The following HDAC9 variants were observed in gnomAD, a reference collection of about 807,000 sequenced individuals.
HDAC9 encodes MEF-2 interacting transcription repressor (MITR) protein.
In HDAC9, 41 loss-of-function variants were observed where a neutral mutation model predicts 139.4. The ratio of observed to expected loss-of-function variants is 0.29; its 90% CI spans 0.23 to 0.38. HDAC9 has a LOEUF of 0.38. HDAC9 is among the 10% of genes least tolerant of loss of function. The pLI is 1.00. For missense variants in HDAC9, 1,147 were observed against 1,297.0 expected (o/e 0.88, Z 1.78); for synonymous variants, 517 against 476.2 (o/e 1.09, Z -1.12).
chr7:18,564,423 A>G (rs930962490), intron 2 of HDAC9, among the ~76,000 whole-genome samples: 13 of 152,074 alleles, frequency 8.5e-5, no homozygotes, highest in Non-Finnish European at 8.8e-5. Context: ...GCTTCCAAGT[A>G]TTTTTTAAAA....
At chr7:18,799,722 A>C (rs574139201) in intron 17 of HDAC9, among the ~76,000 whole-genome samples, 63 of 152,312 alleles carry the variant, frequency 4.1e-4, no homozygotes, top group African/African-American at 1.3e-3. Flanking sequence ...TCTAGTCTGA[A>C]GACCAGGAAG....
chr7:18,706,409 T>C (rs1783923963), intron 12 of HDAC9, among the ~76,000 whole-genome samples: 1 of 152,152 alleles, frequency 6.6e-6, no homozygotes, highest in African/African-American at 2.4e-5. Context: ...GACAATAAAA[T>C]TGAATGCTTT....
At chr7:18,345,422 T>A (rs1210111570) in intron 1 of HDAC9, among the ~76,000 whole-genome samples, 1 of 151,958 alleles carries the variant, frequency 6.6e-6, no homozygotes, top group Non-Finnish European at 1.5e-5. Flanking sequence ...AATATCTGAT[T>A]AAGAGGTTAT....
intron 22 of HDAC9, among the ~76,000 whole-genome samples, chr7:18,933,024 C>T (rs986490168): frequency 1.3e-5 from 2 of 152,152 alleles, no homozygotes; most frequent in East Asian, 3.9e-4. Flanking sequence ...AAGGTAGTGT[C>T]CCAGATATCC....
intron 1 of HDAC9, among the ~76,000 whole-genome samples, chr7:18,354,839 A>G (rs1783129063): frequency 6.6e-6 from 1 of 152,176 alleles, no homozygotes; most frequent in Admixed American, 6.5e-5. Flanking sequence ...AGCTTTAGAC[A>G]GTCAACACAT....
At chr7:18,572,340 A>G (rs980970596) in intron 2 of HDAC9, among the ~76,000 whole-genome samples, 2 of 150,696 alleles carry the variant, frequency 1.3e-5, no homozygotes, top group Admixed American at 1.3e-4. Flanking sequence ...AAATATGACT[A>G]TTTGTCATAT....
chr7:18,424,289 T>A (rs1326215849), intron 1 of HDAC9, among the ~76,000 whole-genome samples: 2 of 152,226 alleles, frequency 1.3e-5, no homozygotes, highest in African/African-American at 2.4e-5. Context: ...CAAATACCAA[T>A]CCTGCATCTT....
chr7:18,533,674 G>T (rs1809836177), intron 2 of HDAC9, among the ~76,000 whole-genome samples: 1 of 151,624 alleles, frequency 6.6e-6, no homozygotes. Context: ...TTATTCTATG[G>T]CCTCTTTCAC....
At chr7:18,225,981 AATCT>A (rs1793026563) in intron 2 of HDAC9, among the ~76,000 whole-genome samples, 1 of 152,212 alleles carries the variant, frequency 6.6e-6, no homozygotes, top group Non-Finnish European at 1.5e-5. Context: ...AAAATATAAT[AATCT>A]ATCTCTCCTA....
intron 2 of HDAC9, among the ~76,000 whole-genome samples, chr7:18,211,940 C>T (rs536937171): frequency 7.5e-4 from 114 of 152,116 alleles, no homozygotes; most frequent in Middle Eastern, 3.4e-3. Context: ...GTGGAGTGAA[C>T]GAAGGGGAAA....
chr7:18,976,441 C>T (rs773691209), intron 25 of HDAC9, among the ~76,000 whole-genome samples: 1 of 152,124 alleles, frequency 6.6e-6, no homozygotes. Context: ...TCCTTGAGGT[C>T]CAACAACTGG....
At chr7:18,407,814 T>C (rs905508745) in intron 1 of HDAC9, among the ~76,000 whole-genome samples, 1 of 152,222 alleles carries the variant, frequency 6.6e-6, no homozygotes, top group Non-Finnish European at 1.5e-5. Context: ...AGGAAATCTA[T>C]TGTGTTTCCT....
intron 2 of HDAC9, among the ~76,000 whole-genome samples, chr7:18,208,108 C>A (rs1296298061): frequency 1.3e-5 from 2 of 152,128 alleles, no homozygotes; most frequent in South Asian, 2.1e-4. Context: ...ATTTCTCATA[C>A]GTATGCTTAG....
chr7:18,202,821 A>T (rs1791237131), intron 2 of HDAC9, among the ~76,000 whole-genome samples: 1 of 152,168 alleles, frequency 6.6e-6, no homozygotes, highest in South Asian at 2.1e-4. Flanking sequence ...GTCACAGTAC[A>T]CCTGGAATGA....
intron 22 of HDAC9, among the ~76,000 whole-genome samples, chr7:18,880,994 T>A (rs1042666342): frequency 3.9e-5 from 6 of 151,990 alleles, no homozygotes; most frequent in African/African-American, 1.4e-4. Flanking sequence ...TGGGGGAAGA[T>A]ACCTGTATAA....
intron 24 of HDAC9, among the ~76,000 whole-genome samples, chr7:18,962,501 A>G (rs1783590685): frequency 6.6e-6 from 1 of 152,106 alleles, no homozygotes; most frequent in African/African-American, 2.4e-5. Flanking sequence ...TATGAGACAC[A>G]GTTTTGGGGG....
chr7:18,453,700 T>C (rs1044790290), intron 1 of HDAC9, among the ~76,000 whole-genome samples: 5 of 152,220 alleles, frequency 3.3e-5, no homozygotes, highest in African/African-American at 1.2e-4. Context: ...TCATAATTTG[T>C]CTACAGAGAT....
chr7:18,712,782 TTTACAAA>T, intron 12 of HDAC9, among the ~76,000 whole-genome samples: 1 of 152,356 alleles, frequency 6.6e-6, no homozygotes, highest in South Asian at 2.1e-4. Flanking sequence ...TGTTTGATAC[TTTACAAA>T]TTATAATAGC....
At chr7:18,204,574 AT>A (rs1379301164) in intron 2 of HDAC9, among the ~76,000 whole-genome samples, 1 of 151,938 alleles carries the variant, frequency 6.6e-6, no homozygotes, top group African/African-American at 2.4e-5. Context: ...TTTTAAAATA[AT>A]TTTTTGTATT....
Sources: gnomAD v4.1 joint callset for allele counts (sites outside exome capture counted in the v4.1 genomes callset) on GRCh38, gnomAD v4.1.1 for gene constraint, MANE v1.5 for transcripts, NCBI Gene and HGNC (gene_info 2026-07-23, HGNC 2026-07-21) for gene names.